The following CFAP57 variants were observed in gnomAD, a reference collection of about 807,000 sequenced individuals.
The protein encoded by CFAP57 is cilia- and flagella-associated protein 57.
A neutral mutation model predicts 146.8 loss-of-function variants in CFAP57; 116 were observed. That is an observed-to-expected ratio of 0.79 (90% CI 0.68 to 0.92). The LOEUF (loss-of-function observed/expected upper bound fraction) is 0.92, where lower values mean the gene tolerates loss of function less well. CFAP57 is among the 40% of genes least tolerant of loss of function. CFAP57 has a pLI of 0.00. For synonymous variants in CFAP57, 518 were observed against 552.8 expected, an observed-to-expected ratio of 0.94 and a Z score of 0.88; for missense variants, 1,377 against 1,527.2, an observed-to-expected ratio of 0.90 and a Z score of 1.64.
intron 22 of CFAP57, chr1:43,250,169 T>C (rs1024006297): frequency 6.6e-6 from 1 of 152,200 alleles, no homozygotes; most frequent in African/African-American, 2.4e-5. Context: ...TACATACAAA[T>C]AGACACATAC....
chr1:43,237,420 CTG>C (rs1479857990), intron 21 of CFAP57, among the ~76,000 whole-genome samples: 3 of 152,304 alleles, frequency 2.0e-5, no homozygotes, highest in African/African-American at 7.2e-5. Context: ...GTGTCAGTCA[CTG>C]AGGATTCCAA....
chr1:43,235,325 C>G (rs1439378142), intron 21 of CFAP57, among the ~76,000 whole-genome samples: 2 of 152,194 alleles, frequency 1.3e-5, no homozygotes, highest in Non-Finnish European at 2.9e-5. Flanking sequence ...AGTCGGGATT[C>G]TTCTGCCAGA....
rs1169413268 is a variant in CFAP57, at chr1:43,224,209, A to G, written c.2865+5A>G. The stretch of plus-strand genomic sequence containing the variant: ...GACGAGACTATTCAAGACAAGGTGC[A>G]GCTCTCCTTCTGTCCTCCCTCAGCT... On this transcript the variant is annotated splice_donor_5th_base_variant and intron_variant, in intron 17 of 22. Transcript: ENST00000372492. The G allele has an allele frequency of 1.3e-6, 2 of 1,530,552 alleles. No homozygotes were observed. The highest frequency in any genetic ancestry group is 1.2e-5 in the South Asian group (1 of 80,716). The allele number at this position is 1,530,552 out of a possible 1,614,324, so 94.8% of individuals were successfully genotyped here. A position where few individuals can be genotyped will look rare whatever the true frequency, so the allele number is the denominator to read the frequency against.
chr1:43,172,452 A>T lies in CFAP57; in HGVS notation c.-21A>T. On this transcript the variant is annotated splice_region_variant and 5_prime_UTR_variant, in exon 1 of 23. The change creates a new upstream start codon in the 5' untranslated region. Coordinates refer to ENST00000372492, the MANE Select transcript of CFAP57 (RefSeq NM_001378189.1). Reference sequence around the variant, plus strand: ...GTCTGCTGACCCAGAGAGAAACGAAAGGTGGGAGGGGGTACCTGGGGGTCG... The same window carrying T: ...GTCTGCTGACCCAGAGAGAAACGAATGGTGGGAGGGGGTACCTGGGGGTCG... 6.5e-7 allele frequency: 1 copy of T among 1,528,724 alleles called. No homozygotes were observed. The highest frequency in any genetic ancestry group is 8.8e-7 in the Non-Finnish European group (1 of 1,132,950). The allele number at this position is 1,528,724 out of a possible 1,614,324, so 94.7% of individuals were successfully genotyped here. A position where few individuals can be genotyped will look rare whatever the true frequency, so the allele number is the denominator to read the frequency against.
In CFAP57 at chr1:43,221,474, A is replaced by G; in HGVS notation, c.2341+9A>G. 2 of 1,504,156 alleles carry G rather than the reference A, an allele frequency of 1.3e-6. No individual in the cohort carries two copies. Among genetic ancestry groups the G allele is most frequent in the Non-Finnish European group, 1.8e-6 (2 of 1,124,972 alleles). The allele number at this position is 1,504,156 out of a possible 1,614,324, so 93.2% of individuals were successfully genotyped here. A position where few individuals can be genotyped will look rare whatever the true frequency, so the allele number is the denominator to read the frequency against. On this transcript the variant is annotated intron_variant, in intron 14 of 22. Transcript: ENST00000372492. ...GGAACTGCAGGACATGGGTGAGCCC[A>G]CAAGTAGAGGCCTCGTTGGTTAGGG...
rs112762956 is a variant in CFAP57 at position 43,221,872 on chromosome 1, G to A, written c.2342-233G>A. 4.9e-4 allele frequency among the ~76,000 whole-genome samples: 75 copies of A among 152,290 alleles called. 1 individual carries two copies. Among genetic ancestry groups the A allele is most frequent in the African/African-American group, 1.4e-3 (57 of 41,564 alleles). On this transcript the variant is annotated intron_variant, in intron 14 of 22. Coordinates refer to ENST00000372492, the MANE Select transcript of CFAP57 (RefSeq NM_001378189.1). ...CCTGAGTCCCCAAATACCACTCTGT[G>A]CTTTCCTGGAAACTTTTCTTCCCAG...
At chr1:43,226,914 T>C in intron 17 of CFAP57, 69 bp from the exon 18 acceptor site, 1 of 1,416,652 alleles carries the variant, frequency 7.1e-7, no homozygotes. Flanking sequence ...TCGTGCTCTT[T>C]TGCCCTAAAG....
At chr1:43,235,109 T>A (rs530261761) in intron 21 of CFAP57, among the ~76,000 whole-genome samples, 1 of 152,072 alleles carries the variant, frequency 6.6e-6, no homozygotes, top group Non-Finnish European at 1.5e-5. Context: ...TACCCATATC[T>A]CGTGGCCACG....
chr1:43,182,992 G>T (rs1045571174), intron 3 of CFAP57, among the ~76,000 whole-genome samples: 20 of 152,370 alleles, frequency 1.3e-4, no homozygotes, highest in African/African-American at 4.6e-4. Flanking sequence ...CAGGGCAGCA[G>T]CTGCAGCCAC....
In CFAP57 at chr1:43,181,530, G is replaced by T. The variant is rs1478208733; in HGVS notation, c.158-4G>T. On this transcript the variant is annotated splice_region_variant and splice_polypyrimidine_tract_variant and intron_variant, in intron 2 of 22. Transcript: ENST00000372492. ...TGATTATTTCCTTTTTCCTCTGTTT[G>T]CAGGCTCAGAGAAGAGTCAGGGCAT... 6.2e-7 allele frequency: 1 copy of T among 1,613,904 alleles called. No individual in the cohort carries two copies. Among genetic ancestry groups the T allele is most frequent in the Non-Finnish European group, 8.5e-7 (1 of 1,180,038 alleles).
chr1:43,249,670 C>T (rs1156442525), intron 22 of CFAP57, among the ~76,000 whole-genome samples: 3 of 148,448 alleles, frequency 2.0e-5, no homozygotes, highest in Non-Finnish European at 4.4e-5. Flanking sequence ...GTCTCGAACT[C>T]CTGAGCTCAG....
chr1:43,224,886 A>G (rs1434856195), intron 17 of CFAP57, among the ~76,000 whole-genome samples: 1 of 152,166 alleles, frequency 6.6e-6, no homozygotes, highest in Non-Finnish European at 1.5e-5. Flanking sequence ...CACAGGTTCC[A>G]TTTATTGACC....
At chr1:43,174,661 C>T (rs1645102547) in intron 2 of CFAP57, among the ~76,000 whole-genome samples, 1 of 152,048 alleles carries the variant, frequency 6.6e-6, no homozygotes. Context: ...ACTAAAAATA[C>T]AAAAATCAGC....
At chr1:43,222,024 G>A in intron 14 of CFAP57, 81 bp from the exon 15 acceptor site, 2 of 1,272,922 alleles carry the variant, frequency 1.6e-6, no homozygotes, top group Non-Finnish European at 2.1e-6. Context: ...TGGAAGGGAT[G>A]GGAGAGCGCC....
intron 11 of CFAP57, among the ~76,000 whole-genome samples, chr1:43,212,678 A>G (rs534093224): frequency 6.6e-6 from 1 of 152,268 alleles, no homozygotes; most frequent in East Asian, 1.9e-4. Flanking sequence ...CATGCCTGTG[A>G]TCCCAACACT....
At chr1:43,232,362 T>G in intron 18 of CFAP57, 146 bp from the exon 19 acceptor site, 1 of 647,342 alleles carries the variant, frequency 1.5e-6, no homozygotes, top group Non-Finnish European at 2.7e-6. Flanking sequence ...AGAAGAAAGG[T>G]TTTGATCCAG....
At chr1:43,207,026 C>T (rs931594550) in intron 10 of CFAP57, 94 bp downstream of exon 10, 2 of 1,275,244 alleles carry the variant, frequency 1.6e-6, no homozygotes, top group Non-Finnish European at 2.3e-6. Flanking sequence ...GGAATGAGGG[C>T]CTCTGCATAC....
At chr1:43,187,268 C>CA (rs1315244323) in intron 6 of CFAP57, among the ~76,000 whole-genome samples, 2 of 151,974 alleles carry the variant, frequency 1.3e-5, no homozygotes, top group Non-Finnish European at 2.9e-5. Context: ...GACATTACAA[C>CA]AAAAAAGCAC....
At chr1:43,231,482 G>A (rs1204155127) in intron 18 of CFAP57, among the ~76,000 whole-genome samples, 1 of 152,184 alleles carries the variant, frequency 6.6e-6, no homozygotes, top group Non-Finnish European at 1.5e-5. Flanking sequence ...CTCATGCACA[G>A]CTAGTCTCAT....
Sources: allele counts gnomAD v4.1 joint callset (sites outside exome capture counted in the v4.1 genomes callset), GRCh38; gene constraint gnomAD v4.1.1; transcripts MANE v1.5; gene names NCBI Gene and HGNC (gene_info 2026-07-23, HGNC 2026-07-21).